Variants in ENTREP2 observed in about 807,000 individuals in gnomAD.
ENTREP2 encodes protein ENTREP2.
chr15:29,189,751 T>C, the ENTREP2 span, among the ~76,000 whole-genome samples: 1 of 152,206 alleles, frequency 6.6e-6, no homozygotes, highest in Non-Finnish European at 1.5e-5. Flanking sequence ...AAAAAAATAC[T>C]GTGAATACTG....
chr15:29,245,072 C>A, the ENTREP2 span, among the ~76,000 whole-genome samples: 1 of 152,180 alleles, frequency 6.6e-6, no homozygotes, highest in South Asian at 2.1e-4. Flanking sequence ...TTTCCTCTGA[C>A]AAACTATGGG....
the ENTREP2 span, among the ~76,000 whole-genome samples, chr15:29,176,295 T>C: frequency 0.29 from 44,473 of 152,030 alleles, 8,242 homozygotes; most frequent in Middle Eastern, 0.48. Context: ...GGGGGGCACA[T>C]TCATTTGCCT....
chr15:29,300,876 C>T, the ENTREP2 span, among the ~76,000 whole-genome samples: 1 of 152,216 alleles, frequency 6.6e-6, no homozygotes, highest in African/African-American at 2.4e-5. Flanking sequence ...GGATTACAGG[C>T]ATGAGCCACT....
chr15:29,624,869 ATTTGTGTGTGTGTGTGTGTGTGTG>A, the ENTREP2 span, among the ~76,000 whole-genome samples: 1 of 119,880 alleles, frequency 8.3e-6, no homozygotes, highest in Non-Finnish European at 1.7e-5. Flanking sequence ...CCCTGCATTA[ATTTGTGTGTGTGTGTGTGTGTGTG>A]TGTGTGTGTG....
At chr15:29,523,069 G>A in the ENTREP2 span, among the ~76,000 whole-genome samples, 1 of 152,194 alleles carries the variant, frequency 6.6e-6, no homozygotes, top group Admixed American at 6.5e-5. Flanking sequence ...GGCCTGGGAA[G>A]GCCCTAAGCT....
chr15:29,370,859 T>G, the ENTREP2 span, among the ~76,000 whole-genome samples: 1 of 152,068 alleles, frequency 6.6e-6, no homozygotes, highest in South Asian at 2.1e-4. Flanking sequence ...TGACTGAACC[T>G]TGCTGTACCC....
the ENTREP2 span, among the ~76,000 whole-genome samples, chr15:29,202,599 A>C: frequency 6.6e-6 from 1 of 152,102 alleles, no homozygotes; most frequent in South Asian, 2.1e-4. Context: ...TAAGCCCTGC[A>C]TGCATTAGGT....
chr15:29,189,222 T>C, the ENTREP2 span, among the ~76,000 whole-genome samples: 1 of 152,168 alleles, frequency 6.6e-6, no homozygotes, highest in Non-Finnish European at 1.5e-5. Context: ...TGTGGTCTTG[T>C]GGGGCTGAGC....
the ENTREP2 span, among the ~76,000 whole-genome samples, chr15:29,607,855 T>G: frequency 2.0e-4 from 26 of 127,742 alleles, no homozygotes; most frequent in South Asian, 4.6e-3. Context: ...TAGATAGATA[T>G]AGATAGATAG....
chr15:29,170,183 T>C, the ENTREP2 span, among the ~76,000 whole-genome samples: 4 of 151,278 alleles, frequency 2.6e-5, no homozygotes, highest in South Asian at 2.1e-4. Context: ...TGGCGGGTGC[T>C]TGTAGTCCCA....
At chr15:29,129,040 C>T in the ENTREP2 span, among the ~76,000 whole-genome samples, 89,701 of 152,082 alleles carry the variant, frequency 0.59, 30,723 homozygotes, top group Non-Finnish European at 0.77. Context: ...GTTCAAGTTG[C>T]CCTTGCCAAG....
the ENTREP2 span, among the ~76,000 whole-genome samples, chr15:29,479,064 G>A: frequency 1.1e-4 from 16 of 149,308 alleles, no homozygotes; most frequent in African/African-American, 3.0e-4. Context: ...AAAATTAGCC[G>A]GGCGTGGTGG....
At chr15:29,373,877 G>A in the ENTREP2 span, 1 of 151,712 alleles carries the variant, frequency 6.6e-6, no homozygotes, top group Non-Finnish European at 1.5e-5. Flanking sequence ...TTAGTGAATG[G>A]AGCAACAGTC....
the ENTREP2 span, among the ~76,000 whole-genome samples, chr15:29,227,466 G>A: frequency 6.6e-6 from 1 of 152,126 alleles, no homozygotes; most frequent in Non-Finnish European, 1.5e-5. Context: ...CATATTTAGG[G>A]TGCAAGGGTC....
At chr15:29,159,405 C>T in the ENTREP2 span, among the ~76,000 whole-genome samples, 2 of 152,110 alleles carry the variant, frequency 1.3e-5, no homozygotes, top group African/African-American at 4.8e-5. Context: ...TTGCAAACAG[C>T]ATAATAACAA....
At chr15:29,168,356 T>C in the ENTREP2 span, among the ~76,000 whole-genome samples, 1 of 152,156 alleles carries the variant, frequency 6.6e-6, no homozygotes, top group Non-Finnish European at 1.5e-5. Flanking sequence ...CTACTACACA[T>C]AGTTACAAAC....
chr15:29,268,770 G>C, the ENTREP2 span: 4 of 1,577,860 alleles, frequency 2.5e-6, no homozygotes, highest in Non-Finnish European at 2.6e-6. Context: ...CTTGTCCCGG[G>C]GGTCCCTCTG....
At chr15:29,599,370 T>C in the ENTREP2 span, among the ~76,000 whole-genome samples, 1 of 152,218 alleles carries the variant, frequency 6.6e-6, no homozygotes, top group African/African-American at 2.4e-5. Flanking sequence ...AGACAGACCA[T>C]GAGGTTCTGC....
chr15:29,542,716 T>C, the ENTREP2 span, among the ~76,000 whole-genome samples: 1 of 152,140 alleles, frequency 6.6e-6, no homozygotes, highest in South Asian at 2.1e-4. Flanking sequence ...AAACTGAAAC[T>C]GCTCCCACTG....
Sources: allele counts gnomAD v4.1 joint callset (sites outside exome capture counted in the v4.1 genomes callset), GRCh38; gene constraint gnomAD v4.1.1; transcripts MANE v1.5; gene names NCBI Gene and HGNC (gene_info 2026-07-23, HGNC 2026-07-21).